SEMA3A: variants seen among roughly 807,000 people sequenced by gnomAD.
The protein encoded by SEMA3A is semaphorin 3A.
SEMA3A carries 29 observed loss-of-function variants against 97.9 expected under a neutral mutation model. The observed-to-expected ratio is 0.30, with a 90% CI of 0.22 to 0.40. The LOEUF is 0.40. SEMA3A is among the 10% of genes least tolerant of loss of function. The probability of loss-of-function intolerance (pLI) is 1.00; values close to 1 mark genes in which losing one functional copy is unlikely to be tolerated. For synonymous variants in SEMA3A, 321 were observed against 323.7 expected (o/e 0.99, Z 0.09); for missense variants, 763 against 951.3 (o/e 0.80, Z 2.60).
At chr7:84,491,018 T>C (rs1562964204) in intron 1 of SEMA3A, among the ~76,000 whole-genome samples, 1 of 152,182 alleles carries the variant, frequency 6.6e-6, no homozygotes, top group Non-Finnish European at 1.5e-5. Context: ...ATCAGTAATG[T>C]CAAATGCAAT....
intron 1 of SEMA3A, among the ~76,000 whole-genome samples, chr7:84,470,683 C>T (rs952610822): frequency 1.3e-5 from 2 of 151,962 alleles, no homozygotes; most frequent in South Asian, 2.1e-4. Context: ...ACACACAAAT[C>T]CCAGAACTCT....
intron 15 of SEMA3A, among the ~76,000 whole-genome samples, chr7:83,975,554 T>G (rs1453234329): frequency 6.6e-6 from 1 of 152,156 alleles, no homozygotes; most frequent in Admixed American, 6.6e-5. Context: ...AACTTGAAAT[T>G]TTTAGATCAT....
At chr7:84,350,209 T>C (rs887598114) in intron 2 of SEMA3A, among the ~76,000 whole-genome samples, 7 of 152,188 alleles carry the variant, frequency 4.6e-5, no homozygotes, top group Non-Finnish European at 7.3e-5. Flanking sequence ...ATATTTCTTA[T>C]TTTAATTGTC....
intron 13 of SEMA3A, among the ~76,000 whole-genome samples, chr7:83,983,191 CTT>C (rs1464851688): frequency 6.0e-5 from 9 of 150,952 alleles, no homozygotes; most frequent in Non-Finnish European, 1.0e-4. Context: ...ATTTCTCTCT[CTT>C]TCTTTCTTTC....
chr7:84,005,013 C>G (rs568692324), intron 11 of SEMA3A, among the ~76,000 whole-genome samples: 176 of 152,274 alleles, frequency 1.2e-3, no homozygotes, highest in African/African-American at 4.1e-3. Flanking sequence ...TCCAGTTCCA[C>G]TTAATGAACA....
chr7:84,166,857 A>C (rs2116187988), intron 1 of SEMA3A, among the ~76,000 whole-genome samples: 1 of 142,230 alleles, frequency 7.0e-6, no homozygotes. Context: ...CCTGGACGAC[A>C]GAGTGAAACT....
chr7:84,239,421 A>C (rs1468613148), intron 3 of SEMA3A, among the ~76,000 whole-genome samples: 1 of 152,198 alleles, frequency 6.6e-6, no homozygotes, highest in Non-Finnish European at 1.5e-5. Flanking sequence ...CAAGTGGCAT[A>C]CTCATTTTAC....
At chr7:84,322,034 C>A (rs538589959) in intron 2 of SEMA3A, among the ~76,000 whole-genome samples, 1 of 151,854 alleles carries the variant, frequency 6.6e-6, no homozygotes, top group Non-Finnish European at 1.5e-5. Context: ...CACCTCATCA[C>A]AGGGTGGCAG....
chr7:84,174,733 T>C (rs1286672592), intron 1 of SEMA3A, among the ~76,000 whole-genome samples: 1 of 152,184 alleles, frequency 6.6e-6, no homozygotes, highest in Non-Finnish European at 1.5e-5. Context: ...AATGAAGATA[T>C]AAATTATAAT....
chr7:84,174,858 G>GA (rs964466138), intron 1 of SEMA3A, among the ~76,000 whole-genome samples: 3 of 151,808 alleles, frequency 2.0e-5, no homozygotes, highest in African/African-American at 4.8e-5. Flanking sequence ...GTGAGGAAAA[G>GA]AAAAAAAATT....
chr7:84,247,565 C>G (rs554006012), intron 3 of SEMA3A, among the ~76,000 whole-genome samples: 1 of 152,108 alleles, frequency 6.6e-6, no homozygotes, highest in South Asian at 2.1e-4. Context: ...AGTAACATAA[C>G]TTCCCAATAT....
At chr7:84,033,999 T>C (rs1020228240) in intron 6 of SEMA3A, among the ~76,000 whole-genome samples, 3 of 147,082 alleles carry the variant, frequency 2.0e-5, no homozygotes, top group Admixed American at 1.4e-4. Context: ...TTTTTTTTTT[T>C]CCTAGGCAGA....
chr7:84,238,576 G>A (rs1316612052), intron 3 of SEMA3A, among the ~76,000 whole-genome samples: 1 of 152,068 alleles, frequency 6.6e-6, no homozygotes, highest in Non-Finnish European at 1.5e-5. Flanking sequence ...ATTTTTACAA[G>A]TAAATATAGA....
At chr7:84,188,859 C>A (rs954883983) in intron 1 of SEMA3A, among the ~76,000 whole-genome samples, 2 of 151,882 alleles carry the variant, frequency 1.3e-5, no homozygotes, top group Admixed American at 6.6e-5. Flanking sequence ...ACATCAATAT[C>A]TTTAGCAAAT....
At chr7:84,146,460 AT>A (rs57407128) in intron 1 of SEMA3A, among the ~76,000 whole-genome samples, 33,980 of 151,972 alleles carry the variant, frequency 0.22, 3,926 homozygotes, top group South Asian at 0.27. Flanking sequence ...ATTTCTCCAC[AT>A]TTTTTTGCTC....
chr7:84,303,801 T>A (rs1340877431), intron 3 of SEMA3A, among the ~76,000 whole-genome samples: 1 of 152,210 alleles, frequency 6.6e-6, no homozygotes, highest in Non-Finnish European at 1.5e-5. Context: ...TAGGTTAATA[T>A]AAGTGTCTGA....
At chr7:84,406,885 T>A (rs574443731) in intron 1 of SEMA3A, among the ~76,000 whole-genome samples, 2 of 152,154 alleles carry the variant, frequency 1.3e-5, no homozygotes, top group Non-Finnish European at 2.9e-5. Context: ...TAAATAGGTA[T>A]TGATGGGACG....
intron 1 of SEMA3A, among the ~76,000 whole-genome samples, chr7:84,379,984 G>A (rs1198368759): frequency 2.6e-5 from 4 of 152,166 alleles, no homozygotes; most frequent in Non-Finnish European, 5.9e-5. Flanking sequence ...TTATGTTTTG[G>A]AGTGAGATTG....
intron 6 of SEMA3A, among the ~76,000 whole-genome samples, chr7:84,021,407 C>T (rs921356149): frequency 4.6e-5 from 7 of 152,180 alleles, no homozygotes; most frequent in Non-Finnish European, 8.8e-5. Flanking sequence ...CTATATATAA[C>T]AATGTTTTCC....
Sources: allele counts gnomAD v4.1 joint callset (sites outside exome capture counted in the v4.1 genomes callset), GRCh38; gene constraint gnomAD v4.1.1; transcripts MANE v1.5; gene names NCBI Gene and HGNC (gene_info 2026-07-23, HGNC 2026-07-21).